Variants in BTBD9 observed in about 807,000 individuals in gnomAD.
BTBD9 encodes BTB domain containing 9.
BTBD9 carries 49 observed loss-of-function variants against 64.3 expected under a neutral mutation model. The ratio of observed to expected loss-of-function variants is 0.76; its 90% CI spans 0.61 to 0.97. The LOEUF (loss-of-function observed/expected upper bound fraction) is 0.97. BTBD9 is among the 50% of genes least tolerant of loss of function. The pLI is 0.00. For synonymous variants in BTBD9, 260 were observed against 274.7 expected, an observed-to-expected ratio of 0.95 and a Z score of 0.53; for missense variants, 598 against 762.1, an observed-to-expected ratio of 0.78 and a Z score of 2.53.
intron 1 of BTBD9, among the ~76,000 whole-genome samples, chr6:38,610,904 CA>C (rs1303102970): frequency 7.2e-6 from 1 of 139,048 alleles, no homozygotes; most frequent in South Asian, 2.3e-4. Context: ...CTTGTAACTG[CA>C]AAAAACCGGG....
At chr6:38,489,335 C>T (rs1771594552) in intron 6 of BTBD9, among the ~76,000 whole-genome samples, 1 of 152,138 alleles carries the variant, frequency 6.6e-6, no homozygotes, top group Non-Finnish European at 1.5e-5. Context: ...AGCATGGTGG[C>T]ACATGCCTGT....
intron 1 of BTBD9, among the ~76,000 whole-genome samples, chr6:38,613,730 G>A (rs1337203016): frequency 6.6e-6 from 1 of 152,116 alleles, no homozygotes; most frequent in Non-Finnish European, 1.5e-5. Flanking sequence ...GTCAGAGGGA[G>A]CCTGGGAATA....
chr6:38,635,491 T>C (rs1050420515), intron 1 of BTBD9, among the ~76,000 whole-genome samples: 1 of 152,220 alleles, frequency 6.6e-6, no homozygotes, highest in Admixed American at 6.5e-5. Context: ...GGTTTGCATG[T>C]GTCCTCCATG....
chr6:38,519,501 T>C (rs889675915), intron 6 of BTBD9, among the ~76,000 whole-genome samples: 24 of 152,196 alleles, frequency 1.6e-4, no homozygotes, highest in African/African-American at 5.5e-4. Flanking sequence ...TATTTATATA[T>C]CCTTGTACTG....
intron 7 of BTBD9, among the ~76,000 whole-genome samples, chr6:38,303,951 GTATA>G (rs35466294): frequency 2.3e-4 from 30 of 131,376 alleles, no homozygotes; most frequent in African/African-American, 5.4e-4. Flanking sequence ...GTGTGTGTGT[GTATA>G]TATATATATA....
intron 6 of BTBD9, among the ~76,000 whole-genome samples, chr6:38,393,962 A>G (rs940001091): frequency 6.6e-6 from 1 of 152,194 alleles, no homozygotes; most frequent in Non-Finnish European, 1.5e-5. Flanking sequence ...AAACGAAAAG[A>G]TGAGGGCACA....
intron 6 of BTBD9, among the ~76,000 whole-genome samples, chr6:38,569,861 T>G (rs1370494967): frequency 2.0e-5 from 3 of 151,154 alleles, no homozygotes; most frequent in Non-Finnish European, 3.0e-5. Flanking sequence ...AACAGAAAAT[T>G]TCCCAACTAA....
chr6:38,233,315 G>A (rs1270197702), intron 9 of BTBD9, among the ~76,000 whole-genome samples: 1 of 152,156 alleles, frequency 6.6e-6, no homozygotes, highest in East Asian at 1.9e-4. Flanking sequence ...GTCAGGCTCT[G>A]TGCCAAGTTG....
At chr6:38,411,510 G>A (rs1297781453) in intron 6 of BTBD9, among the ~76,000 whole-genome samples, 2 of 151,920 alleles carry the variant, frequency 1.3e-5, no homozygotes, top group East Asian at 1.9e-4. Flanking sequence ...AGATAAAATC[G>A]GATACATTCT....
intron 6 of BTBD9, among the ~76,000 whole-genome samples, chr6:38,511,338 GC>G (rs1230441565): frequency 7.6e-6 from 1 of 131,870 alleles, no homozygotes; most frequent in Non-Finnish European, 1.6e-5. Flanking sequence ...TTTTGGAAAT[GC>G]CTTTTTTTTT....
chr6:38,635,265 A>G (rs1158890157), intron 1 of BTBD9, among the ~76,000 whole-genome samples: 2 of 151,922 alleles, frequency 1.3e-5, no homozygotes, highest in Non-Finnish European at 2.9e-5. Context: ...CCTCCTGAGT[A>G]GCTGGGATTA....
At chr6:38,265,615 T>C (rs1356961846) in intron 8 of BTBD9, among the ~76,000 whole-genome samples, 4 of 151,480 alleles carry the variant, frequency 2.6e-5, no homozygotes, top group African/African-American at 9.7e-5. Context: ...CCTCCCGGGC[T>C]CAAGTGATCC....
chr6:38,533,083 C>A (rs1773867318), intron 6 of BTBD9, among the ~76,000 whole-genome samples: 1 of 151,518 alleles, frequency 6.6e-6, no homozygotes, highest in Admixed American at 6.6e-5. Flanking sequence ...ACTCTCTAAT[C>A]AAAAGACAAA....
rs144284790 is a variant in BTBD9 at position 38,627,660 on chromosome 6, C to T, written c.-28+12140G>A. On this transcript the variant is annotated intron_variant, in intron 1 of 10. Coordinates refer to ENST00000481247, the MANE Select transcript of BTBD9 (RefSeq NM_001099272.2). ...TGTCTGTGGGGTCAGGATGGGAGGG[C>T]GACTTAATTTCCACTGTAAATGCTG... Among the ~76,000 whole-genome samples, 698 of 152,022 alleles carry T rather than the reference C, an allele frequency of 4.6e-3. 6 individuals are homozygous for T. The highest frequency in any genetic ancestry group is 0.014 in the African/African-American group (570 of 41,456).
At position 38,594,156 on chromosome 6, in the gene BTBD9, T is replaced by C. The variant is rs773613405; in HGVS notation, c.357A>G (p.Lys119=). The C allele has an allele frequency of 3.7e-6, 6 of 1,614,198 alleles. No homozygotes were observed. In the South Asian group the frequency reaches 4.4e-5, roughly 12 times the overall value. The change falls in exon 3 of 11, where the codon AAA becomes AAG. Residue 119 remains lysine (K), a synonymous_variant. Transcript: ENST00000481247. The part of the protein sequence containing the change: ...VLLDFLSLAH[K]YGFPELEDST... ...AATCCTCTAGCTCTGGAAATCCATATTTATGAGCCAGGCTCAAAAAGTCCA... is the reference window on the plus strand; with the variant it reads ...AATCCTCTAGCTCTGGAAATCCATACTTATGAGCCAGGCTCAAAAAGTCCA...
chr6:38,480,150 T>C (rs553164005), intron 6 of BTBD9, among the ~76,000 whole-genome samples: 102 of 151,940 alleles, frequency 6.7e-4, no homozygotes, highest in African/African-American at 2.4e-3. Flanking sequence ...GAGGGGAGAG[T>C]GTACTCTTTG....
At chr6:38,524,987 C>T (rs1424754334) in intron 6 of BTBD9, among the ~76,000 whole-genome samples, 1 of 152,014 alleles carries the variant, frequency 6.6e-6, no homozygotes, top group African/African-American at 2.4e-5. Flanking sequence ...GATGACTCAC[C>T]CTTAGTAAAA....
intron 9 of BTBD9, among the ~76,000 whole-genome samples, chr6:38,229,654 T>C (rs1763529299): frequency 1.3e-5 from 2 of 152,336 alleles, no homozygotes; most frequent in African/African-American, 2.4e-5. Context: ...TTAGCTCTTA[T>C]TGAATTTGTG....
chr6:38,563,748 C>T (rs967510545), intron 6 of BTBD9, among the ~76,000 whole-genome samples: 2 of 151,560 alleles, frequency 1.3e-5, no homozygotes, highest in Admixed American at 6.6e-5. Context: ...CTGCTCCAAA[C>T]GCTTTCCCCT....
Sources: gnomAD v4.1 joint callset for allele counts (sites outside exome capture counted in the v4.1 genomes callset) on GRCh38, gnomAD v4.1.1 for gene constraint, MANE v1.5 for transcripts, NCBI Gene and HGNC (gene_info 2026-07-23, HGNC 2026-07-21) for gene names.